CDH2: variants seen among roughly 807,000 people sequenced by gnomAD.
The protein encoded by CDH2 is cadherin-2.
A neutral mutation model predicts 92.0 loss-of-function variants in CDH2; 17 were observed. The observed-to-expected ratio is 0.18, with a 90% CI of 0.13 to 0.28. The LOEUF is 0.28. Ranked by LOEUF, CDH2 falls within the 10% of genes least tolerant of loss-of-function variation. CDH2 has a pLI of 1.00. For missense variants in CDH2, 862 were observed against 1,133.1 expected (o/e 0.76, Z 3.44); for synonymous variants, 419 against 415.9 (o/e 1.01, Z -0.09).
chr18:28,004,873 G>C (rs1239784148), intron 6 of CDH2, among the ~76,000 whole-genome samples: 1 of 152,152 alleles, frequency 6.6e-6, no homozygotes, highest in Non-Finnish European at 1.5e-5. Flanking sequence ...AAGAGGCAGA[G>C]ATATGCACTT....
chr18:28,062,399 TTCAGC>T (rs1182136777), intron 2 of CDH2, among the ~76,000 whole-genome samples: 45 of 152,312 alleles, frequency 3.0e-4, no homozygotes, highest in Non-Finnish European at 5.4e-4. Flanking sequence ...ATCCAATATA[TTCAGC>T]TGGAGTCAAT....
At chr18:28,002,961 A>G in intron 7 of CDH2, 36 bp downstream of exon 7, 1 of 1,590,688 alleles carries the variant, frequency 6.3e-7, no homozygotes, top group Non-Finnish European at 8.6e-7. Context: ...CTTTAAGATT[A>G]AAAACAAACA....
At chr18:27,981,865 C>T (rs1006547068) in intron 14 of CDH2, among the ~76,000 whole-genome samples, 22 of 152,088 alleles carry the variant, frequency 1.4e-4, no homozygotes, top group African/African-American at 5.1e-4. Flanking sequence ...CTGTTATCCC[C>T]GACATTTGCA....
intron 6 of CDH2, among the ~76,000 whole-genome samples, chr18:28,004,616 A>C (rs1293145902): frequency 6.6e-6 from 1 of 152,216 alleles, no homozygotes; most frequent in Non-Finnish European, 1.5e-5. Context: ...ATAGAGAAAA[A>C]AAAGAAAATA....
Position 28,008,292 on chromosome 18 carries a change from T to C in CDH2, c.702+1425A>G, listed in dbSNP as rs1941181. ...ATGCTATGTTGTCTTTGTGAGACGT[T>C]TGGAAGTTTTACTTCTTTTCCTATG... On this transcript the variant is annotated intron_variant, in intron 5 of 15. Coordinates refer to ENST00000269141, the MANE Select transcript of CDH2 (RefSeq NM_001792.5). Among the ~76,000 whole-genome samples, 1,490 of 152,318 alleles carry C rather than the reference T, an allele frequency of 9.8e-3. 26 individuals carry two copies. The highest frequency in any genetic ancestry group is 0.035 in the African/African-American group (1,436 of 41,574).
intron 6 of CDH2, among the ~76,000 whole-genome samples, chr18:27,944,269 C>A (rs1909213873): frequency 6.6e-6 from 1 of 152,134 alleles, no homozygotes; most frequent in Non-Finnish European, 1.5e-5. Flanking sequence ...TATGTATTAA[C>A]CTACAAGATA....
chr18:27,986,683 C>G (rs2012245097), intron 11 of CDH2, among the ~76,000 whole-genome samples: 1 of 152,132 alleles, frequency 6.6e-6, no homozygotes, highest in Admixed American at 6.5e-5. Context: ...CACATACATA[C>G]ACAATCCTGG....
chr18:28,021,109 T>C (rs2013398908), intron 2 of CDH2, among the ~76,000 whole-genome samples: 1 of 152,064 alleles, frequency 6.6e-6, no homozygotes, highest in Non-Finnish European at 1.5e-5. Context: ...TGCCTCAAGC[T>C]GGTATTAGTC....
chr18:28,069,648 C>T (rs1244400485), intron 2 of CDH2, among the ~76,000 whole-genome samples: 3 of 152,136 alleles, frequency 2.0e-5, no homozygotes, highest in African/African-American at 7.2e-5. Context: ...AGTCCTTGGG[C>T]TCTCCCAGAC....
chr18:27,957,804 C>T (rs1235401967), intron 15 of CDH2, among the ~76,000 whole-genome samples: 1 of 152,192 alleles, frequency 6.6e-6, no homozygotes, highest in African/African-American at 2.4e-5. Context: ...GTACACCATA[C>T]TTACATTACA....
chr18:27,963,308 T>C, intron 15 of CDH2, 49 bp downstream of exon 15: 2 of 1,568,968 alleles, frequency 1.3e-6, no homozygotes, highest in Non-Finnish European at 1.8e-6. Context: ...GATCTAACCA[T>C]TAGCATGAAA....
chr18:27,945,956 A>G (rs1335957950), intron 6 of CDH2, among the ~76,000 whole-genome samples: 1 of 152,220 alleles, frequency 6.6e-6, no homozygotes, highest in Non-Finnish European at 1.5e-5. Flanking sequence ...GACTAAAATC[A>G]CACACATATT....
At chr18:28,106,373 C>T (rs922804842) in intron 2 of CDH2, among the ~76,000 whole-genome samples, 2 of 151,328 alleles carry the variant, frequency 1.3e-5, no homozygotes, top group African/African-American at 2.4e-5. Flanking sequence ...GCCGAGATGG[C>T]GCTACTGCAC....
intron 2 of CDH2, among the ~76,000 whole-genome samples, chr18:28,118,745 T>G (rs1392971935): frequency 2.0e-5 from 3 of 150,924 alleles, no homozygotes; most frequent in African/African-American, 7.4e-5. Context: ...TATTGACATA[T>G]TCCACTAATT....
In CDH2 at chr18:27,994,248, C is replaced by A. The variant is rs577749016; in HGVS notation, c.1021-611G>T. Among the ~76,000 whole-genome samples the A allele has an allele frequency of 1.8e-4, 28 of 152,278 alleles. 1 individual carries two copies. The South Asian group carries it at 5.4e-3, about 29-fold the overall frequency. ...AAGGGTTTCCGTTTATTTCCATAGT[C>A]TTCTAACAGGGCATATATTTGATAA... On this transcript the variant is annotated intron_variant, in intron 7 of 15. Coordinates refer to ENST00000269141, the MANE Select transcript of CDH2 (RefSeq NM_001792.5).
At chr18:28,116,599 A>G (rs1434525492) in intron 2 of CDH2, among the ~76,000 whole-genome samples, 4 of 152,186 alleles carry the variant, frequency 2.6e-5, no homozygotes, top group Non-Finnish European at 4.4e-5. Context: ...TTTTAGAAAC[A>G]ACTCCCAAAA....
intron 14 of CDH2, among the ~76,000 whole-genome samples, chr18:27,975,175 T>C (rs1010696645): frequency 1.1e-4 from 16 of 152,114 alleles, no homozygotes; most frequent in Admixed American, 6.5e-5. Flanking sequence ...ACGGAGCCAA[T>C]TGTCATGCTC....
At chr18:27,985,307 G>T in intron 12 of CDH2, 74 bp from the exon 13 acceptor site, 1 of 904,650 alleles carries the variant, frequency 1.1e-6, no homozygotes, top group Non-Finnish European at 1.8e-6. Context: ...CATTGTTCAG[G>T]ATGTATTTAC....
In CDH2 at chr18:28,081,253, T is replaced by C. The variant is rs570610119; in HGVS notation, c.172+66420A>G. On this transcript the variant is annotated intron_variant, in intron 2 of 15. Coordinates refer to ENST00000269141, the MANE Select transcript of CDH2 (RefSeq NM_001792.5). ...TTTAGCTTATCACTGCTTTTTGAAA[T>C]TGTTTACTTATGTTAGTGATTCTCC... 4.4e-3 allele frequency among the ~76,000 whole-genome samples: 669 copies of C among 152,342 alleles called. 1 individual carries two copies. The highest frequency in any genetic ancestry group is 6.7e-3 in the Non-Finnish European group (455 of 68,042).
Sources: allele counts gnomAD v4.1 joint callset (sites outside exome capture counted in the v4.1 genomes callset), GRCh38; gene constraint gnomAD v4.1.1; transcripts MANE v1.5; gene names NCBI Gene and HGNC (gene_info 2026-07-23, HGNC 2026-07-21).